Variants in NHSL1 observed in about 807,000 individuals in gnomAD.
The protein encoded by NHSL1 is NHS-like protein 1.
A neutral mutation model predicts 95.0 loss-of-function variants in NHSL1; 48 were observed. The observed-to-expected ratio is 0.51, with a 90% CI of 0.40 to 0.64. NHSL1 has a LOEUF of 0.64. Ranked by LOEUF, NHSL1 falls within the 30% of genes least tolerant of loss-of-function variation. The pLI is 0.00. For missense variants in NHSL1, 1,971 were observed against 2,077.7 expected (o/e 0.95, Z 1.00); for synonymous variants, 783 against 833.9 (o/e 0.94, Z 1.05).
intron 1 of NHSL1, among the ~76,000 whole-genome samples, chr6:138,656,137 G>A (rs763110652): frequency 1.1e-4 from 16 of 151,920 alleles, no homozygotes; most frequent in African/African-American, 3.4e-4. Context: ...ACCGGTCCTC[G>A]ATGAAAGGAA....
Position 138,589,105 on chromosome 6 carries a change from A to G in NHSL1, c.97-92734T>C, listed in dbSNP as rs373746315. Among the ~76,000 whole-genome samples, 39 of 152,322 alleles carry G rather than the reference A, an allele frequency of 2.6e-4. 1 individual carries two copies. The South Asian group carries it at 8.1e-3, about 32-fold the overall frequency. On this transcript the variant is annotated intron_variant, in intron 1 of 3. Coordinates refer to the NHSL1 transcript ENST00000491526. ...TAACACCCGCCAAAATTGCAGTAGG[A>G]ACCCGCAAAGGATCCTGCATCCAAC...
chr6:138,523,627 G>GAAAAAAAAAAAAAAAA (rs67335375), intron 1 of NHSL1, among the ~76,000 whole-genome samples: 1 of 64,886 alleles, frequency 1.5e-5, no homozygotes. Flanking sequence ...TTTTAAAGAG[G>GAAAAAAAAAAAAAAAA]AAAAAAAAAA....
At chr6:138,497,033 T>C (rs2128286285) in intron 1 of NHSL1, among the ~76,000 whole-genome samples, 1 of 152,328 alleles carries the variant, frequency 6.6e-6, no homozygotes, top group East Asian at 1.9e-4. Context: ...CAATTGACTC[T>C]TCCCAACACA....
intron 1 of NHSL1, among the ~76,000 whole-genome samples, chr6:138,568,473 C>A (rs1197801441): frequency 6.6e-6 from 1 of 152,206 alleles, no homozygotes; most frequent in African/African-American, 2.4e-5. Context: ...CTGATTCACA[C>A]CCTTGATTTG....
upstream of NHSL1, among the ~76,000 whole-genome samples, chr6:138,575,963 T>TTATTTATG (rs1783964070): frequency 8.9e-6 from 1 of 112,980 alleles, no homozygotes; most frequent in African/African-American, 3.5e-5. Flanking sequence ...ATCCCTACAT[T>TTATTTATG]TATTTATTTA....
chr6:138,473,567 T>C lies in NHSL1; in HGVS notation c.212-134A>G, dbSNP rs546040088. 7.7e-5 allele frequency: 79 copies of C among 1,021,486 alleles called. No individual in the cohort carries two copies. In the African/African-American group the frequency reaches 1.1e-3, roughly 14 times the overall value. 63.3% of individuals were successfully genotyped at this position (1,021,486 alleles called of 1,614,324 possible). Reference sequence around the variant, plus strand: ...AGGCATTAATAGGATTTTAAAATAATGATAAAAACAGCTAAGAATTATTAA... The same window carrying C: ...AGGCATTAATAGGATTTTAAAATAACGATAAAAACAGCTAAGAATTATTAA... On this transcript the variant is annotated intron_variant, in intron 2 of 7. Coordinates refer to ENST00000343505, the MANE Select transcript of NHSL1 (RefSeq NM_001144060.2).
At chr6:138,512,155 T>A in intron 1 of NHSL1, 1 of 363,084 alleles carries the variant, frequency 2.8e-6, no homozygotes, top group Non-Finnish European at 5.3e-6. Context: ...AGTATACATT[T>A]AGGCTGCTGA....
exon 1 of NHSL1, chr6:138,572,259 C>T (rs1783867465): frequency 1.6e-5 from 3 of 185,416 alleles, no homozygotes; most frequent in Non-Finnish European, 3.3e-5. Context: ...CTTTGCAAAA[C>T]ACAAAGCCAA....
intron 1 of NHSL1, among the ~76,000 whole-genome samples, chr6:138,591,935 T>C (rs1343901560): frequency 6.6e-6 from 1 of 152,160 alleles, no homozygotes; most frequent in Non-Finnish European, 1.5e-5. Flanking sequence ...TTCCATAGGA[T>C]CCATGGTTTC....
rs1778868946 is a variant in NHSL1, at chr6:138,473,345, A to G, written c.300T>C (p.Cys100=). The G allele has an allele frequency of 6.5e-7, 1 of 1,547,944 alleles. No individual in the cohort carries two copies. The highest frequency in any genetic ancestry group is 1.2e-5 in the South Asian group (1 of 83,440). ...CTTCATCTTCATCTTGGTAATCATC[A>G]CAGAATGGGCTGGCGTTGGCCGCAA... ...PTFAANASPF[C]DDYQDEDEET... The change falls in exon 3 of 8, where the codon TGT becomes TGC. Residue 100 remains cysteine, a synonymous_variant. Coordinates refer to ENST00000343505, the MANE Select transcript of NHSL1 (RefSeq NM_001144060.2).
At chr6:138,672,071 A>T (rs561999286) in intron 1 of NHSL1, among the ~76,000 whole-genome samples, 1 of 152,304 alleles carries the variant, frequency 6.6e-6, no homozygotes, top group African/African-American at 2.4e-5. Flanking sequence ...TACAGAGGAA[A>T]ATTTCTTTAA....
In NHSL1 at chr6:138,432,312, GT is replaced by G; in HGVS notation, c.2032del (p.Thr678GlnfsTer23). ...AKKPPLPPSR[T>X]DSLRRIPKKS... is the part of the protein sequence containing the mutation. ...CTTGGGAATCCTGCGGAGGGAGTCT[GT>G]CCGGGAGGGTGGCAGGGGAGGCTTC... On this transcript the variant is annotated frameshift_variant, in exon 6 of 8. Coordinates refer to ENST00000343505, the MANE Select transcript of NHSL1 (RefSeq NM_001144060.2). LOFTEE classifies it high-confidence loss of function. The surrounding 1 kb of genome is among the most constrained non-coding windows in gnomAD (Gnocchi z 4.4). The G allele has an allele frequency of 6.4e-7, 1 of 1,551,688 alleles. No individual in the cohort carries two copies. Among genetic ancestry groups the G allele is most frequent in the Non-Finnish European group, 8.7e-7 (1 of 1,146,986 alleles).
chr6:138,578,842 G>A (rs866368616), intron 1 of NHSL1, among the ~76,000 whole-genome samples: 15 of 152,284 alleles, frequency 9.9e-5, no homozygotes, highest in Non-Finnish European at 1.9e-4. Context: ...CTGTATTTAA[G>A]TTAGCACAGT....
intron 1 of NHSL1, among the ~76,000 whole-genome samples, chr6:138,521,914 G>C (rs1359776193): frequency 6.6e-6 from 1 of 152,036 alleles, no homozygotes; most frequent in Non-Finnish European, 1.5e-5. Context: ...GAAGAGAAAA[G>C]AGGAAGACTC....
intron 1 of NHSL1, among the ~76,000 whole-genome samples, chr6:138,564,728 G>A (rs529824905): frequency 1.3e-5 from 2 of 151,974 alleles, no homozygotes; most frequent in South Asian, 2.1e-4. Context: ...AAGTAAACAA[G>A]TAAGCATAAG....
At chr6:138,593,220 C>T (rs1784257026) in intron 1 of NHSL1, among the ~76,000 whole-genome samples, 1 of 152,226 alleles carries the variant, frequency 6.6e-6, no homozygotes, top group Non-Finnish European at 1.5e-5. Context: ...GATTCCAGCA[C>T]TGACACGGAG....
rs920566276 is a variant in NHSL1 at position 138,614,644 on chromosome 6, T to G, written c.96+77832A>C. ...GTGAATTTAAATAAAATACTCCATG[T>G]CAGGGGGTCCACAACCCGCAGGCCA... On this transcript the variant is annotated intron_variant, in intron 1 of 3. Coordinates refer to the NHSL1 transcript ENST00000491526. Among the ~76,000 whole-genome samples, 17 of 152,272 alleles carry G rather than the reference T, an allele frequency of 1.1e-4. No individual in the cohort carries two copies. The East Asian group carries it at 2.9e-3, about 26-fold the overall frequency.
At chr6:138,589,417 G>A (rs1198062914) in intron 1 of NHSL1, among the ~76,000 whole-genome samples, 1 of 152,168 alleles carries the variant, frequency 6.6e-6, no homozygotes, top group Non-Finnish European at 1.5e-5. Context: ...CACGAGCCAA[G>A]CGGGGGCCTG....
intron 1 of NHSL1, among the ~76,000 whole-genome samples, chr6:138,590,799 C>T (rs889939815): frequency 9.2e-5 from 14 of 152,202 alleles, no homozygotes; most frequent in Admixed American, 4.6e-4. Flanking sequence ...CCTCACCTGT[C>T]CATCAGTGAT....
Sources: allele counts gnomAD v4.1 joint callset (sites outside exome capture counted in the v4.1 genomes callset), GRCh38; gene constraint gnomAD v4.1.1; non-coding constraint Gnocchi (gnomAD v3.1); transcripts MANE v1.5; gene names NCBI Gene and HGNC (gene_info 2026-07-23, HGNC 2026-07-21).